The following IL1RAPL2 variants were observed in gnomAD, a reference collection of about 807,000 sequenced individuals.
IL1RAPL2 encodes the protein interleukin 1 receptor accessory protein like 2, also known as X-linked interleukin-1 receptor accessory protein-like 2.
Under a neutral mutation model 44.1 loss-of-function variants are expected in IL1RAPL2, and 3 were observed. The ratio of observed to expected loss-of-function variants is 0.07; its 90% CI spans 0.03 to 0.18. IL1RAPL2 has a LOEUF of 0.18. Ranked by LOEUF, IL1RAPL2 falls within the 10% of genes least tolerant of loss-of-function variation. The pLI is 1.00. For missense variants in IL1RAPL2, 391 were observed against 496.4 expected (o/e 0.79, Z 2.02); for synonymous variants, 181 against 178.8 (o/e 1.01, Z -0.10).
intron 2 of IL1RAPL2, among the ~76,000 whole-genome samples, chrX:104,756,340 C>T (rs1055027790): frequency 9.0e-6 from 1 of 111,151 alleles, no homozygotes; most frequent in South Asian, 3.7e-4. Flanking sequence ...TTTTATTTAA[C>T]TTGCCTCCAA....
At chrX:105,487,417 A>AT (rs1489453724) in intron 6 of IL1RAPL2, among the ~76,000 whole-genome samples, 23 of 111,975 alleles carry the variant, frequency 2.1e-4, no homozygotes, top group Admixed American at 2.0e-3. Context: ...GATTACTAAA[A>AT]TAATTTACTT....
intron 2 of IL1RAPL2, among the ~76,000 whole-genome samples, chrX:104,979,677 G>T (rs1439091710): frequency 8.9e-6 from 1 of 112,202 alleles, no homozygotes; most frequent in Non-Finnish European, 1.9e-5. Context: ...AGATTAAAAT[G>T]AGTGGCAAAT....
chrX:105,715,189 G>A (rs777853782), intron 6 of IL1RAPL2, among the ~76,000 whole-genome samples: 23 of 111,761 alleles, frequency 2.1e-4, no homozygotes, highest in Admixed American at 1.9e-3. Flanking sequence ...TACATAAAGC[G>A]CAGCAGGAAG....
intron 2 of IL1RAPL2, among the ~76,000 whole-genome samples, chrX:105,008,813 C>G (rs1163703356): frequency 3.6e-5 from 4 of 111,651 alleles, no homozygotes; most frequent in African/African-American, 1.3e-4. Context: ...AGTGAACAGG[C>G]AGCCTACAGA....
intron 5 of IL1RAPL2, among the ~76,000 whole-genome samples, chrX:105,442,983 G>A (rs778685042): frequency 8.9e-6 from 1 of 111,836 alleles, no homozygotes; most frequent in Non-Finnish European, 1.9e-5. Context: ...GGCTGAGGCA[G>A]GAGAACTGCT....
At chrX:105,740,514 C>T (rs1437175731) in intron 7 of IL1RAPL2, 32 bp from the exon 8 acceptor site, 2 of 1,198,794 alleles carry the variant, frequency 1.7e-6, no homozygotes, top group African/African-American at 3.5e-5. Flanking sequence ...CAAATCAAGC[C>T]AATTCAGCCA....
chrX:104,997,959 G>T (rs1424620535), intron 2 of IL1RAPL2, among the ~76,000 whole-genome samples: 1 of 111,146 alleles, frequency 9.0e-6, no homozygotes, highest in Non-Finnish European at 1.9e-5. Context: ...CGGAGCTGAA[G>T]ATATAAATTT....
intron 2 of IL1RAPL2, among the ~76,000 whole-genome samples, chrX:104,675,704 A>C (rs1930735152): frequency 1.8e-5 from 2 of 110,372 alleles, no homozygotes; most frequent in African/African-American, 6.6e-5. Context: ...TGGGGTGTTA[A>C]AGTCTCCCAT....
At chrX:105,041,524 G>A (rs948053911) in intron 2 of IL1RAPL2, among the ~76,000 whole-genome samples, 1 of 110,166 alleles carries the variant, frequency 9.1e-6, no homozygotes, top group Admixed American at 9.8e-5. Context: ...ACCAAGGGAC[G>A]TGAAGGACCT....
In IL1RAPL2 at chrX:104,647,184, C is replaced by T. The variant is rs141519194; in HGVS notation, c.-19-11711C>T. ...GTGGCCTAGTCAGCCTGCAGAGGTG[C>T]AGGCAGGGTGGGCCCCCACTGGGAC... On this transcript the variant is annotated intron_variant, in intron 1 of 10. Coordinates refer to ENST00000372582, the MANE Select transcript of IL1RAPL2 (RefSeq NM_017416.2). The T allele has an allele frequency of 1.8e-3, 552 of 313,749 alleles. 9 individuals carry two copies. Among genetic ancestry groups the T allele is most frequent in the African/African-American group, 0.014 (501 of 36,999 alleles). 25.9% of individuals were successfully genotyped at this position (313,749 alleles called of 1,213,427 possible).
At chrX:105,436,920 A>T (rs957299490) in intron 5 of IL1RAPL2, among the ~76,000 whole-genome samples, 3 of 109,368 alleles carry the variant, frequency 2.7e-5, no homozygotes, top group Admixed American at 9.9e-5. Context: ...CTTACATGGA[A>T]CAATAAAAAT....
At chrX:104,895,364 C>T (rs1923610134) in intron 2 of IL1RAPL2, among the ~76,000 whole-genome samples, 2 of 112,850 alleles carry the variant, frequency 1.8e-5, no homozygotes, top group Non-Finnish European at 3.7e-5. Context: ...TTTTGTTCGG[C>T]TATGCCCTGC....
At chrX:105,467,077 T>G (rs2036135457) in intron 5 of IL1RAPL2, among the ~76,000 whole-genome samples, 1 of 111,706 alleles carries the variant, frequency 9.0e-6, no homozygotes, top group Admixed American at 9.5e-5. Context: ...TCAACACTAC[T>G]GTATTGGGGA....
chrX:105,457,771 G>C (rs914265189), intron 5 of IL1RAPL2, among the ~76,000 whole-genome samples: 26 of 109,710 alleles, frequency 2.4e-4, no homozygotes, highest in African/African-American at 7.9e-4. Flanking sequence ...AAATAATGCT[G>C]CTATAGACAT....
intron 1 of IL1RAPL2, among the ~76,000 whole-genome samples, chrX:104,581,213 C>A (rs1928338319): frequency 8.9e-6 from 1 of 111,741 alleles, no homozygotes; most frequent in Non-Finnish European, 1.9e-5. Flanking sequence ...GCAAAAGGAG[C>A]AAAAGATTCA....
chrX:105,035,942 T>C (rs900595806), intron 2 of IL1RAPL2, among the ~76,000 whole-genome samples: 1 of 112,042 alleles, frequency 8.9e-6, no homozygotes, highest in Non-Finnish European at 1.9e-5. Flanking sequence ...TGAACAAATA[T>C]TCCACAGCAT....
intron 3 of IL1RAPL2, chrX:105,219,388 G>A (rs782161125): frequency 1.6e-5 from 19 of 1,208,316 alleles, no homozygotes; most frequent in African/African-American, 1.1e-4. Flanking sequence ...TGTTTCGACC[G>A]ACCGGAGATC....
chrX:104,687,037 A>C (rs1602680880), intron 2 of IL1RAPL2, among the ~76,000 whole-genome samples: 1 of 112,218 alleles, frequency 8.9e-6, no homozygotes, highest in Non-Finnish European at 1.9e-5. Flanking sequence ...CTATGGTCAA[A>C]AAAAGCTCTA....
chrX:105,201,438 G>A (rs2033717091), intron 3 of IL1RAPL2, among the ~76,000 whole-genome samples: 1 of 111,879 alleles, frequency 8.9e-6, no homozygotes, highest in Non-Finnish European at 1.9e-5. Context: ...AGAAATAAAT[G>A]TAAGTATACA....
Sources: allele counts gnomAD v4.1 joint callset (sites outside exome capture counted in the v4.1 genomes callset), GRCh38; gene constraint gnomAD v4.1.1; transcripts MANE v1.5; gene names NCBI Gene and HGNC (gene_info 2026-07-23, HGNC 2026-07-21).